Variants in EFHC2 observed in about 807,000 individuals in gnomAD.
EFHC2 encodes EF-hand domain-containing family member C2.
In EFHC2, 18 loss-of-function variants were observed where a neutral mutation model predicts 52.7. The ratio of observed to expected loss-of-function variants is 0.34; its 90% CI spans 0.24 to 0.51. The LOEUF (loss-of-function observed/expected upper bound fraction) is 0.51. Ranked by LOEUF, EFHC2 falls within the 20% of genes least tolerant of loss-of-function variation. The pLI, the probability that EFHC2 is intolerant of heterozygous loss-of-function variation, is 0.97. For synonymous variants in EFHC2, 203 were observed against 204.1 expected, an observed-to-expected ratio of 0.99 and a Z score of 0.04; for missense variants, 513 against 562.5, an observed-to-expected ratio of 0.91 and a Z score of 0.89.
intron 4 of EFHC2, among the ~76,000 whole-genome samples, chrX:44,250,963 G>C (rs1481073222): frequency 9.1e-6 from 1 of 110,431 alleles, no homozygotes; most frequent in African/African-American, 3.3e-5. Flanking sequence ...AACTGGCCGG[G>C]CGCGGTGGCT....
chrX:44,166,282 T>G (rs781588020), intron 13 of EFHC2, among the ~76,000 whole-genome samples: 1 of 111,105 alleles, frequency 9.0e-6, no homozygotes, highest in African/African-American at 3.3e-5. Flanking sequence ...TCTGAATATA[T>G]TTTGAATGTA....
chrX:44,210,005 CATTA>C (rs1238428921), intron 11 of EFHC2, among the ~76,000 whole-genome samples: 1 of 109,936 alleles, frequency 9.1e-6, no homozygotes, highest in East Asian at 2.8e-4. Context: ...ACTGATTCTA[CATTA>C]ATTATTATAT....
At position 44,299,897 on chromosome X, in the gene EFHC2, G is replaced by T. The variant is rs150820987; in HGVS notation, c.231+12671C>A. Among the ~76,000 whole-genome samples the T allele has an allele frequency of 7.1e-3, 790 of 111,101 alleles. 8 individuals carry two copies. Among genetic ancestry groups the T allele is most frequent in the Non-Finnish European group, 0.011 (564 of 53,002 alleles). On this transcript the variant is annotated intron_variant, in intron 2 of 14. Coordinates refer to ENST00000420999, the MANE Select transcript of EFHC2 (RefSeq NM_025184.4). The stretch of plus-strand genomic sequence containing the variant: ...GGGAAAGCTGTGAAAAGGGTATTCA[G>T]GAACTCTCTGTACTATTTTTGTGAC...
At chrX:44,310,046 A>G (rs2037935124) in intron 2 of EFHC2, 2 of 832,490 alleles carry the variant, frequency 2.4e-6, no homozygotes, top group Non-Finnish European at 3.6e-6. Flanking sequence ...GCTCCACCAA[A>G]TTTTCATTTA....
intron 1 of EFHC2, among the ~76,000 whole-genome samples, chrX:44,323,917 A>G (rs369975483): frequency 1.7e-3 from 189 of 111,714 alleles, no homozygotes; most frequent in African/African-American, 5.8e-3. Context: ...TCCTGGACAT[A>G]GGCCAAACCA....
intron 1 of EFHC2, 45 bp downstream of exon 1, chrX:44,343,502 A>G (rs766625661): frequency 3.8e-5 from 44 of 1,170,275 alleles, no homozygotes; most frequent in Middle Eastern, 2.4e-4. Context: ...CCTGGACCCC[A>G]GACTCCAGCC....
intron 1 of EFHC2, among the ~76,000 whole-genome samples, chrX:44,324,733 A>G (rs1297208937): frequency 8.9e-6 from 1 of 112,195 alleles, no homozygotes; most frequent in Non-Finnish European, 1.9e-5. Flanking sequence ...AAAATCCAAC[A>G]ATGCTATAAA....
chrX:44,267,292 C>T (rs1338226378), intron 3 of EFHC2, among the ~76,000 whole-genome samples: 1 of 112,199 alleles, frequency 8.9e-6, no homozygotes, highest in Non-Finnish European at 1.9e-5. Context: ...AAATATAACA[C>T]ATCTAACCGA....
At position 44,261,200 on chromosome X, in the gene EFHC2, A is replaced by G. The variant is rs370391079; in HGVS notation, c.481T>C (p.Tyr161His). Residue 161 changes from tyrosine (Y) to histidine (H), a missense_variant, in exon 4 of 15, where the codon TAT (tyrosine) becomes CAT (histidine). Coordinates refer to ENST00000420999, the MANE Select transcript of EFHC2 (RefSeq NM_025184.4). ...TCATAAATCTTGAATGTCCGGCCAT[A>G]GAAGACAACCTCTGTGCCGACATTA... ...HFNVGTEVVFYGRTFKIYDCD... is the reference protein window; with the variant it reads ...HFNVGTEVVFHGRTFKIYDCD... 8.3e-7 allele frequency: 1 copy of G among 1,211,741 alleles called. No homozygotes were observed. The highest frequency in any genetic ancestry group is 1.1e-6 in the Non-Finnish European group (1 of 895,332).
chrX:44,323,021 A>G (rs934772639), intron 1 of EFHC2, among the ~76,000 whole-genome samples: 11 of 111,505 alleles, frequency 9.9e-5, no homozygotes, highest in Non-Finnish European at 2.1e-4. Flanking sequence ...TAAAAAAAAA[A>G]GGGACCAAGT....
At chrX:44,283,373 G>A (rs933483751) in intron 2 of EFHC2, among the ~76,000 whole-genome samples, 2 of 110,655 alleles carry the variant, frequency 1.8e-5, no homozygotes, top group Non-Finnish European at 3.8e-5. Context: ...TAGTAGAGAC[G>A]GGGTTTCACC....
chrX:44,289,397 C>T (rs1047265918), intron 2 of EFHC2, among the ~76,000 whole-genome samples: 1 of 111,304 alleles, frequency 9.0e-6, no homozygotes, highest in Non-Finnish European at 1.9e-5. Context: ...GCTGTTTTCA[C>T]TAATGATAAC....
chrX:44,319,593 A>G (rs1488234800), intron 1 of EFHC2, among the ~76,000 whole-genome samples: 2 of 112,753 alleles, frequency 1.8e-5, no homozygotes, highest in South Asian at 3.6e-4. Flanking sequence ...CCTATAAAAA[A>G]GAAAGCAGGC....
At chrX:44,239,122 G>T (rs1264387599) in intron 8 of EFHC2, among the ~76,000 whole-genome samples, 1 of 111,634 alleles carries the variant, frequency 9.0e-6, no homozygotes, top group Non-Finnish European at 1.9e-5. Flanking sequence ...TTTTATTAAT[G>T]GGGAAACATT....
intron 2 of EFHC2, among the ~76,000 whole-genome samples, chrX:44,290,557 T>TG (rs1243418456): frequency 1.0e-4 from 9 of 90,380 alleles, no homozygotes; most frequent in Non-Finnish European, 1.9e-4. Context: ...TCTAGGCTGG[T>TG]GTTTTCCACA....
intron 14 of EFHC2, among the ~76,000 whole-genome samples, chrX:44,160,435 AT>A (rs1211713338): frequency 8.9e-6 from 1 of 111,893 alleles, no homozygotes; most frequent in Non-Finnish European, 1.9e-5. Context: ...AATCCGTGAA[AT>A]TTTTGTTCCA....
intron 4 of EFHC2, among the ~76,000 whole-genome samples, chrX:44,260,594 T>C (rs994035874): frequency 8.9e-6 from 1 of 112,037 alleles, no homozygotes; most frequent in Non-Finnish European, 1.9e-5. Flanking sequence ...CCAGAGCATC[T>C]TGGCATCCAA....
At chrX:44,168,027 G>T (rs1046524138) in intron 13 of EFHC2, among the ~76,000 whole-genome samples, 1 of 111,731 alleles carries the variant, frequency 9.0e-6, no homozygotes, top group Non-Finnish European at 1.9e-5. Context: ...CTCTTTTCAA[G>T]ATGAAAAGTA....
chrX:44,269,150 A>G (rs1375773083), intron 3 of EFHC2, among the ~76,000 whole-genome samples: 1 of 111,030 alleles, frequency 9.0e-6, no homozygotes, highest in Non-Finnish European at 1.9e-5. Flanking sequence ...CCTGGTCATG[A>G]TCTGGGCACC....
Sources: gnomAD v4.1 joint callset for allele counts (sites outside exome capture counted in the v4.1 genomes callset) on GRCh38, gnomAD v4.1.1 for gene constraint, MANE v1.5 for transcripts, NCBI Gene and HGNC (gene_info 2026-07-23, HGNC 2026-07-21) for gene names.